The following NBAS variants were observed in gnomAD, a reference collection of about 807,000 sequenced individuals.
The protein encoded by NBAS is NBAS subunit of NRZ tethering complex.
NBAS carries 219 observed loss-of-function variants against 302.5 expected under a neutral mutation model. The ratio of observed to expected loss-of-function variants is 0.72; its 90% confidence interval spans 0.65 to 0.81. NBAS has a LOEUF of 0.81. NBAS is among the 30% of genes least tolerant of loss of function. The probability of loss-of-function intolerance (pLI) is 0.00; values close to 1 mark genes in which losing one functional copy is unlikely to be tolerated. For missense variants in NBAS, 2,932 were observed against 2,841.6 expected, an observed-to-expected ratio of 1.03 and a Z score of -0.72; for synonymous variants, 1,118 against 1,021.6, an observed-to-expected ratio of 1.09 and a Z score of -1.80.
At chr2:15,461,527 C>T (rs564399741) in intron 20 of NBAS, among the ~76,000 whole-genome samples, 160 bp downstream of exon 20, 3 of 152,142 alleles carry the variant, frequency 2.0e-5, no homozygotes, top group East Asian at 1.9e-4. Context: ...ATTTTTAAAA[C>T]TCAGAATGAT....
At chr2:15,506,305 C>A (rs1281056194) in intron 10 of NBAS, among the ~76,000 whole-genome samples, 1 of 151,992 alleles carries the variant, frequency 6.6e-6, no homozygotes, top group Non-Finnish European at 1.5e-5. Context: ...AGAACCAATG[C>A]ATACCCAGAA....
intron 35 of NBAS, among the ~76,000 whole-genome samples, chr2:15,348,512 T>G (rs1030049604): frequency 6.6e-6 from 1 of 151,768 alleles, no homozygotes; most frequent in Non-Finnish European, 1.5e-5. Flanking sequence ...GTCCCCAAAG[T>G]CACAAAAGGC....
At chr2:14,967,833 G>A in the NBAS span, among the ~76,000 whole-genome samples, 1 of 152,180 alleles carries the variant, frequency 6.6e-6, no homozygotes, top group Non-Finnish European at 1.5e-5. Context: ...TGCAGACAGT[G>A]AAAAAGAGTA....
intron 32 of NBAS, among the ~76,000 whole-genome samples, chr2:15,364,400 G>T (rs563048842): frequency 6.6e-6 from 1 of 152,000 alleles, no homozygotes; most frequent in Non-Finnish European, 1.5e-5. Context: ...GTGTGGTGGC[G>T]CATGCCTGTA....
chr2:15,023,490 A>G, the NBAS span, among the ~76,000 whole-genome samples: 1 of 151,970 alleles, frequency 6.6e-6, no homozygotes. Context: ...TTTTATTTTA[A>G]TAGATGTTGC....
At chr2:15,220,029 G>A (rs1202122389) in intron 47 of NBAS, among the ~76,000 whole-genome samples, 1 of 143,568 alleles carries the variant, frequency 7.0e-6, no homozygotes, top group Non-Finnish European at 1.5e-5. Context: ...CCAGGCGGGG[G>A]GCTGATCCCC....
chr2:14,909,390 G>A, the NBAS span, among the ~76,000 whole-genome samples: 1,905 of 58,846 alleles, frequency 0.032, no homozygotes, highest in African/African-American at 0.061. Context: ...AAAAAAAAAA[G>A]ATTTCCCACA....
At chr2:15,219,032 A>G (rs1473235655) in intron 47 of NBAS, 64 bp from the exon 48 acceptor site, 2 of 1,578,456 alleles carry the variant, frequency 1.3e-6, no homozygotes, top group African/African-American at 2.7e-5. Context: ...CCTTCCGGTA[A>G]TCAAATGTGG....
At chr2:15,429,229 T>C (rs1371419256) in intron 21 of NBAS, among the ~76,000 whole-genome samples, 1 of 152,168 alleles carries the variant, frequency 6.6e-6, no homozygotes, top group African/African-American at 2.4e-5. Context: ...AAGTCCCTTT[T>C]AGCTTTAACA....
chr2:14,855,151 T>TGTC, the NBAS span, among the ~76,000 whole-genome samples: 2 of 151,940 alleles, frequency 1.3e-5, no homozygotes, highest in Non-Finnish European at 2.9e-5. Flanking sequence ...CTAGAAAACA[T>TGTC]GTCTAGACAC....
intron 14 of NBAS, among the ~76,000 whole-genome samples, chr2:15,475,169 T>A (rs930271509): frequency 2.0e-5 from 3 of 152,144 alleles, no homozygotes; most frequent in African/African-American, 7.2e-5. Context: ...AACTTCAGAG[T>A]AAAAAATATG....
At chr2:14,895,971 A>G in the NBAS span, among the ~76,000 whole-genome samples, 1 of 150,636 alleles carries the variant, frequency 6.6e-6, no homozygotes, top group Non-Finnish European at 1.5e-5. Context: ...TATGAAACAA[A>G]CCTGCACGTG....
At chr2:14,921,451 C>T in the NBAS span, among the ~76,000 whole-genome samples, 1 of 152,152 alleles carries the variant, frequency 6.6e-6, no homozygotes, top group Admixed American at 6.5e-5. Context: ...AATCAACTTC[C>T]TCAGCACAGG....
chr2:15,143,358 G>A, the NBAS span, among the ~76,000 whole-genome samples: 2 of 152,202 alleles, frequency 1.3e-5, no homozygotes, highest in African/African-American at 4.8e-5. Flanking sequence ...CATACCCTCA[G>A]CACCTTCATG....
At chr2:15,393,772 G>C (rs757771781) in intron 28 of NBAS, 7 of 468,656 alleles carry the variant, frequency 1.5e-5, no homozygotes, top group South Asian at 1.1e-4. Context: ...CAAACAAAAA[G>C]AAATAAACTA....
chr2:15,314,718 C>G (rs1671429420), intron 38 of NBAS, among the ~76,000 whole-genome samples: 1 of 152,278 alleles, frequency 6.6e-6, no homozygotes, highest in Non-Finnish European at 1.5e-5. Context: ...CACCAAAATA[C>G]TTGTATGAGA....
intron 12 of NBAS, among the ~76,000 whole-genome samples, chr2:15,481,752 A>T (rs1455991953): frequency 5.9e-5 from 9 of 152,226 alleles, no homozygotes; most frequent in Non-Finnish European, 4.4e-5. Context: ...GGGCCTCAGA[A>T]ATACTGTCCC....
At chr2:15,059,379 A>G in the NBAS span, among the ~76,000 whole-genome samples, 1 of 152,038 alleles carries the variant, frequency 6.6e-6, no homozygotes, top group South Asian at 2.1e-4. Flanking sequence ...TATTTTTTAG[A>G]TAATGAATTA....
At chr2:15,130,281 T>C in the NBAS span, among the ~76,000 whole-genome samples, 2 of 152,362 alleles carry the variant, frequency 1.3e-5, no homozygotes, top group Non-Finnish European at 2.9e-5. Context: ...ACATTTTGCT[T>C]ATTATTCATT....
Sources: allele counts gnomAD v4.1 joint callset (sites outside exome capture counted in the v4.1 genomes callset), GRCh38; gene constraint gnomAD v4.1.1; transcripts MANE v1.5; gene names NCBI Gene and HGNC (gene_info 2026-07-23, HGNC 2026-07-21).